The following SLC16A7 variants were observed in gnomAD, a reference collection of about 807,000 sequenced individuals.
SLC16A7 encodes the protein solute carrier family 16 member 7.
A neutral mutation model predicts 34.9 loss-of-function variants in SLC16A7; 33 were observed. The observed-to-expected ratio is 0.94, with a 90% CI of 0.72 to 1.26. SLC16A7 has a LOEUF of 1.26. Among genes scored for constraint, SLC16A7 ranks in the 50% most tolerant of loss-of-function variants. The pLI is 0.00. For synonymous variants in SLC16A7, 201 were observed against 206.6 expected (o/e 0.97, Z 0.23); for missense variants, 573 against 578.1 (o/e 0.99, Z 0.09).
At chr12:59,664,445 A>G (rs933818667) in intron 2 of SLC16A7, among the ~76,000 whole-genome samples, 1 of 152,126 alleles carries the variant, frequency 6.6e-6, no homozygotes, top group African/African-American at 2.4e-5. Context: ...CTGGCCCACA[A>G]GAGATTCAAC....
chr12:59,712,074 G>A (rs910526821), intron 3 of SLC16A7, among the ~76,000 whole-genome samples: 1 of 152,232 alleles, frequency 6.6e-6, no homozygotes, highest in Non-Finnish European at 1.5e-5. Context: ...GAGTGCATAT[G>A]TGAGTGTGTG....
chr12:59,653,882 T>C (rs1018970459), intron 1 of SLC16A7, among the ~76,000 whole-genome samples: 3 of 151,680 alleles, frequency 2.0e-5, no homozygotes, highest in Non-Finnish European at 4.4e-5. Flanking sequence ...TTTTTTTATA[T>C]TTTAAAAACC....
intron 3 of SLC16A7, among the ~76,000 whole-genome samples, chr12:59,743,204 G>A (rs1878530092): frequency 6.6e-6 from 1 of 152,152 alleles, no homozygotes; most frequent in South Asian, 2.1e-4. Context: ...AAAGAAAGAG[G>A]CTAGAGTAAT....
intron 3 of SLC16A7, among the ~76,000 whole-genome samples, chr12:59,725,733 G>A (rs146655057): frequency 6.6e-6 from 1 of 152,046 alleles, no homozygotes; most frequent in Non-Finnish European, 1.5e-5. Flanking sequence ...AAAATATGAA[G>A]TTATTCCATC....
chr12:59,704,391 A>G (rs1434997557), intron 2 of SLC16A7, among the ~76,000 whole-genome samples: 1 of 152,082 alleles, frequency 6.6e-6, no homozygotes, highest in Non-Finnish European at 1.5e-5. Context: ...AAATGAGACC[A>G]AAAGTATCAA....
chr12:59,672,396 G>A lies in SLC16A7; in HGVS notation c.-31+17146G>A, dbSNP rs558736573. On this transcript the variant is annotated intron_variant, in intron 2 of 5. Transcript: ENST00000547379. Reference sequence around the variant, plus strand: ...GGTATGGAAAGCAGGCCGGACCAGCGCTAGGCCTGTATCAGTGAGACAGAC... The same window carrying A: ...GGTATGGAAAGCAGGCCGGACCAGCACTAGGCCTGTATCAGTGAGACAGAC... 4.4e-4 allele frequency among the ~76,000 whole-genome samples: 67 copies of A among 151,530 alleles called. No individual in the cohort carries two copies. The Middle Eastern group carries it at 0.014, about 31-fold the overall frequency.
Position 59,785,911 on chromosome 12 carries a change from C to T in SLC16A7, c.*6232C>T, listed in dbSNP as rs921826295. On this transcript the variant is annotated 3_prime_UTR_variant, in exon 6 of 6. Coordinates refer to ENST00000547379, the MANE Select transcript of SLC16A7 (RefSeq NM_001270623.2). Reference sequence around the variant, plus strand: ...GGACATGGATGAAATTAGAAATCATCATTCTCAGTAAACTATCGCAAGAAC... The same window carrying T: ...GGACATGGATGAAATTAGAAATCATTATTCTCAGTAAACTATCGCAAGAAC... The T allele has an allele frequency of 1.3e-5, 2 of 148,858 alleles. No individual in the cohort carries two copies. The highest frequency in any genetic ancestry group is 3.0e-5 in the Non-Finnish European group (2 of 67,122). The allele number at this position is 148,858 out of a possible 1,614,324, so 9.2% of individuals were successfully genotyped here.
intron 3 of SLC16A7, among the ~76,000 whole-genome samples, chr12:59,760,141 C>T (rs981908810): frequency 5.3e-5 from 8 of 151,928 alleles, no homozygotes; most frequent in African/African-American, 1.9e-4. Context: ...TAAAATAAAT[C>T]TAAACTTGAG....
intron 1 of SLC16A7, among the ~76,000 whole-genome samples, chr12:59,603,438 C>T (rs1878784732): frequency 6.6e-6 from 1 of 152,212 alleles, no homozygotes; most frequent in South Asian, 2.1e-4. Flanking sequence ...CTACTTCCTA[C>T]CGCCAAATCT....
At position 59,786,209 on chromosome 12, in the gene SLC16A7, A is replaced by ATAAAT. The variant is rs1379946709; in HGVS notation, c.*6533_*6534insATTAA. The ATAAAT allele has an allele frequency of 6.6e-6, 1 of 151,266 alleles. No homozygotes were observed. Among genetic ancestry groups the ATAAAT allele is most frequent in the Non-Finnish European group, 1.5e-5 (1 of 67,776 alleles). 9.4% of individuals were successfully genotyped at this position (151,266 alleles called of 1,614,324 possible). On this transcript the variant is annotated 3_prime_UTR_variant, in exon 6 of 6. Transcript: ENST00000547379. ...ATAATAATAAATAAAATAAAATAAA[A>ATAAAT]TAATAAAAATAAAAATAAAATAGAA... is the stretch of plus-strand genomic sequence containing the variant.
At chr12:59,725,797 G>C (rs1795885) in intron 3 of SLC16A7, among the ~76,000 whole-genome samples, 18,661 of 151,900 alleles carry the variant, frequency 0.12, 1,500 homozygotes, top group African/African-American at 0.22. Flanking sequence ...CTTAATCACC[G>C]CTCATAAATT....
At chr12:59,725,381 G>A (rs891996642) in intron 3 of SLC16A7, among the ~76,000 whole-genome samples, 13 of 152,062 alleles carry the variant, frequency 8.5e-5, no homozygotes, top group Non-Finnish European at 1.6e-4. Context: ...GTGTCAGTGC[G>A]AGGTAGGATG....
chr12:59,669,018 T>C (rs549079652), intron 2 of SLC16A7, among the ~76,000 whole-genome samples: 11 of 152,310 alleles, frequency 7.2e-5, no homozygotes, highest in African/African-American at 2.4e-4. Context: ...GGAACTGTGA[T>C]TCCATTAAAT....
intron 2 of SLC16A7, among the ~76,000 whole-genome samples, chr12:59,679,727 A>G (rs1870598214): frequency 6.6e-6 from 1 of 152,194 alleles, no homozygotes; most frequent in Non-Finnish European, 1.5e-5. Context: ...AGTCTTTGGC[A>G]TAAAATGAAA....
chr12:59,755,066 G>A (rs553450266), intron 3 of SLC16A7, among the ~76,000 whole-genome samples: 9 of 152,272 alleles, frequency 5.9e-5, no homozygotes, highest in African/African-American at 2.2e-4. Context: ...AACACTTCAT[G>A]CTAAAAACTC....
At chr12:59,645,456 C>T (rs1480743045) in intron 1 of SLC16A7, among the ~76,000 whole-genome samples, 1 of 152,234 alleles carries the variant, frequency 6.6e-6, no homozygotes. Flanking sequence ...GGGCTTTCCC[C>T]TTTGCTTGTG....
intron 3 of SLC16A7, among the ~76,000 whole-genome samples, chr12:59,707,736 T>C (rs1012818807): frequency 2.0e-5 from 3 of 152,104 alleles, no homozygotes; most frequent in African/African-American, 7.2e-5. Flanking sequence ...AAATTCTTGG[T>C]ATTTAGTAAT....
intron 2 of SLC16A7, among the ~76,000 whole-genome samples, chr12:59,677,948 C>A (rs770193012): frequency 6.6e-6 from 1 of 152,026 alleles, no homozygotes. Flanking sequence ...TTACTTGAGC[C>A]TGGTGGACTC....
At chr12:59,690,092 A>G (rs2137092651) in intron 2 of SLC16A7, among the ~76,000 whole-genome samples, 1 of 152,078 alleles carries the variant, frequency 6.6e-6, no homozygotes, top group African/African-American at 2.4e-5. Context: ...ACAAAACGGG[A>G]TATACACACA....
Sources: allele counts gnomAD v4.1 joint callset (sites outside exome capture counted in the v4.1 genomes callset), GRCh38; gene constraint gnomAD v4.1.1; transcripts MANE v1.5; gene names NCBI Gene and HGNC (gene_info 2026-07-23, HGNC 2026-07-21).